The following PCDHA6 variants were observed in gnomAD, a reference collection of about 807,000 sequenced individuals.
PCDHA6 encodes the protein protocadherin alpha-6.
A neutral mutation model predicts 60.3 loss-of-function variants in PCDHA6; 55 were observed. That is an observed-to-expected ratio of 0.91 (90% CI 0.73 to 1.14). The LOEUF (loss-of-function observed/expected upper bound fraction) is 1.14, where lower values mean the gene tolerates loss of function less well. Ranked by LOEUF, PCDHA6 falls within the 50% of genes most tolerant of loss-of-function variation. The pLI is 0.00. For missense variants in PCDHA6, 1,327 were observed against 1,256.5 expected (o/e 1.06, Z -0.85); for synonymous variants, 652 against 557.9 (o/e 1.17, Z -2.38).
intron 1 of PCDHA6, chr5:140,870,699 C>T (rs1160091003): frequency 6.2e-7 from 1 of 1,613,004 alleles, no homozygotes. Flanking sequence ...TGCTACAGTT[C>T]CAGGTGAGCG....
intron 1 of PCDHA6, among the ~76,000 whole-genome samples, chr5:140,950,849 T>G (rs1403920591): frequency 6.6e-6 from 1 of 152,120 alleles, no homozygotes; most frequent in Non-Finnish European, 1.5e-5. Flanking sequence ...ATACATTTCT[T>G]TCATATTCTT....
At chr5:140,935,616 C>T (rs1247673748) in intron 1 of PCDHA6, among the ~76,000 whole-genome samples, 13 of 151,976 alleles carry the variant, frequency 8.6e-5, no homozygotes, top group African/African-American at 3.1e-4. Flanking sequence ...TTTTTCAAGT[C>T]GCTTTCAAAT....
rs1486042569 is a variant in PCDHA6 at position 140,880,105 on chromosome 5, A to G, written c.2394+49620A>G. On this transcript the variant is annotated intron_variant, in intron 1 of 3. Coordinates refer to ENST00000529310, the MANE Select transcript of PCDHA6 (RefSeq NM_018909.4). ...ATTATAGTAGGCTTAAAATCATAGAAGGATAGACAACAGGAAGCTGAAATA... is the reference window on the plus strand; with the variant it reads ...ATTATAGTAGGCTTAAAATCATAGAGGGATAGACAACAGGAAGCTGAAATA... 1.8e-4 allele frequency among the ~76,000 whole-genome samples: 28 copies of G among 152,256 alleles called. 1 individual carries two copies. Among genetic ancestry groups the G allele is most frequent in the Admixed American group, 1.8e-3 (28 of 15,292 alleles).
In PCDHA6 at chr5:140,903,129, A is replaced by C. The variant is rs184256724; in HGVS notation, c.2394+72644A>C. On this transcript the variant is annotated intron_variant, in intron 1 of 3. Coordinates refer to ENST00000529310, the MANE Select transcript of PCDHA6 (RefSeq NM_018909.4). ...TAGCTCTACTTCTAAATCTTTAAGA[A>C]ATCTCCAAACTGTTTTCCATAGTGG... Among the ~76,000 whole-genome samples the C allele has an allele frequency of 2.8e-3, 421 of 152,322 alleles. 2 individuals carry two copies. Among genetic ancestry groups the C allele is most frequent in the Middle Eastern group, 0.014 (4 of 294 alleles).
At chr5:140,862,706 G>A in intron 1 of PCDHA6, 1 of 558,712 alleles carries the variant, frequency 1.8e-6, no homozygotes, top group South Asian at 1.4e-5. Context: ...ATGGAACAGC[G>A]GGTGGGCGAG....
At chr5:140,900,700 T>C (rs557185787) in intron 1 of PCDHA6, among the ~76,000 whole-genome samples, 1 of 152,352 alleles carries the variant, frequency 6.6e-6, no homozygotes, top group South Asian at 2.1e-4. Context: ...ATTTCCGTTC[T>C]TTTGGAAAGA....
chr5:140,976,287 AAGCCTGTAATCCC>A (rs1253731489), intron 1 of PCDHA6, among the ~76,000 whole-genome samples: 3 of 152,196 alleles, frequency 2.0e-5, no homozygotes, highest in Admixed American at 6.5e-5. Flanking sequence ...ACAGTGGCTC[AAGCCTGTAATCCC>A]AGCACTTTGG....
At chr5:140,863,489 C>T (rs1032120656) in intron 1 of PCDHA6, 20 of 450,876 alleles carry the variant, frequency 4.4e-5, no homozygotes, top group Non-Finnish European at 8.4e-5. Context: ...CCAAGGTCAA[C>T]ATTACGGCTT....
rs1195696269 is a variant in PCDHA6, at chr5:141,010,821, TTTG to T, written c.*890_*892del. ...AACCCCGACACCTCACCTTTCGCTG[TTTG>T]TTGTTTCATAGATTTATTTAAAAAA... is the stretch of plus-strand genomic sequence containing the variant. On this transcript the variant is annotated 3_prime_UTR_variant, in exon 4 of 4. Coordinates refer to ENST00000529310, the MANE Select transcript of PCDHA6 (RefSeq NM_018909.4). 3 of 153,772 alleles carry T rather than the reference TTTG, an allele frequency of 2.0e-5. No individual in the cohort carries two copies. The highest frequency in any genetic ancestry group is 4.4e-5 in the Non-Finnish European group (3 of 68,048). 9.5% of individuals were successfully genotyped at this position (153,772 alleles called of 1,614,324 possible).
intron 1 of PCDHA6, among the ~76,000 whole-genome samples, chr5:140,964,480 C>T (rs2095835890): frequency 6.6e-6 from 1 of 152,122 alleles, no homozygotes; most frequent in Non-Finnish European, 1.5e-5. Flanking sequence ...GATTTTTTCA[C>T]AGTCACAGGT....
At chr5:140,858,305 C>A in intron 1 of PCDHA6, 1 of 1,597,172 alleles carries the variant, frequency 6.3e-7, no homozygotes. Context: ...GCAGCAGAGG[C>A]GGCAGAGGGT....
Position 140,829,625 on chromosome 5 carries a change from G to C in PCDHA6, c.1534G>C (p.Ala512Pro), listed in dbSNP as rs138462086. Residue 512 changes from alanine to proline, a missense_variant, in exon 1 of 4, where the codon GCG (alanine) becomes CCG (proline). Ala to Pro is a conservative substitution (Grantham distance 27). Coordinates refer to ENST00000529310, the MANE Select transcript of PCDHA6 (RefSeq NM_018909.4). The part of the protein sequence containing the change: ...RALSSYISVH[A>P]ESGKVYALQP... ...GTTGTCGAGCTACATTTCGGTGCAC[G>C]CGGAGAGCGGCAAGGTGTACGCGCT... 8 of 1,612,066 alleles carry C rather than the reference G, an allele frequency of 5.0e-6. No homozygotes were observed. The highest frequency in any genetic ancestry group is 3.3e-5 in the South Asian group (3 of 91,010).
At position 140,878,967 on chromosome 5, in the gene PCDHA6, C is replaced by T. The variant is rs562198206; in HGVS notation, c.2394+48482C>T. On this transcript the variant is annotated intron_variant, in intron 1 of 3. Coordinates refer to ENST00000529310, the MANE Select transcript of PCDHA6 (RefSeq NM_018909.4). ...ATGGTATTGAAATGTATTACCTGGA[C>T]ATTCCCCTCTATCTTAGAAATGAGA... Among the ~76,000 whole-genome samples, 52 of 152,298 alleles carry T rather than the reference C, an allele frequency of 3.4e-4. No individual in the cohort carries two copies. The South Asian group carries it at 0.01, about 30-fold the overall frequency.
intron 1 of PCDHA6, among the ~76,000 whole-genome samples, chr5:140,899,954 T>C (rs1240765868): frequency 6.6e-6 from 1 of 151,586 alleles, no homozygotes; most frequent in Non-Finnish European, 1.5e-5. Context: ...ACCACAGGCA[T>C]GTGCTGCCAT....
rs2150181468 is a variant in PCDHA6 at position 140,830,125 on chromosome 5, G to A, written c.2034G>A (p.Ala678=). 1.5e-5 allele frequency: 24 copies of A among 1,613,450 alleles called. No individual in the cohort carries two copies. In the East Asian group the frequency reaches 4.9e-4, roughly 33 times the overall value. The change falls in exon 1 of 4, where the codon GCG becomes GCA. Residue 678 remains alanine (A), a synonymous_variant. Coordinates refer to ENST00000529310, the MANE Select transcript of PCDHA6 (RefSeq NM_018909.4). The part of the protein sequence containing the change: ...SLVESGQAPK[A]SSRASVGAAG... ...TGGAGAGTGGCCAGGCTCCAAAGGC[G>A]TCATCACGGGCGTCGGTGGGCGCCG...
rs1330292023 is a variant in PCDHA6, at chr5:140,830,082, C to A, written c.1991C>A (p.Thr664Lys). 1.2e-5 allele frequency: 19 copies of A among 1,613,566 alleles called. No homozygotes were observed. Among genetic ancestry groups the A allele is most frequent in the Non-Finnish European group, 1.5e-5 (18 of 1,179,846 alleles). The change falls in exon 1 of 4, where the codon ACG becomes AAG. Residue 664 changes from threonine to lysine, a missense_variant. By Grantham distance (78) the Thr-to-Lys change is moderately conservative. Transcript: ENST00000529310. ...HGEPALTATATVLVSLVESGQ... is the reference protein window; with the variant it reads ...HGEPALTATAKVLVSLVESGQ... ...GAGCCGGCGCTGACAGCGACGGCCACGGTTCTGGTGTCGCTGGTGGAGAGT... is the reference window on the plus strand; with the variant it reads ...GAGCCGGCGCTGACAGCGACGGCCAAGGTTCTGGTGTCGCTGGTGGAGAGT...
intron 1 of PCDHA6, chr5:140,927,348 C>T (rs2153588187): frequency 1.2e-6 from 2 of 1,613,982 alleles, no homozygotes; most frequent in South Asian, 1.1e-5. Flanking sequence ...AAGATGACGA[C>T]GAGGGAAGCA....
At chr5:140,851,732 T>C in intron 1 of PCDHA6, 2 of 971,434 alleles carry the variant, frequency 2.1e-6, no homozygotes, top group Non-Finnish European at 2.5e-6. Context: ...CGAGTTCTTT[T>C]GAAATTCAGA....
chr5:140,937,148 C>T (rs1400872734), intron 1 of PCDHA6, among the ~76,000 whole-genome samples: 6 of 151,842 alleles, frequency 4.0e-5, no homozygotes, highest in Non-Finnish European at 8.8e-5. Flanking sequence ...TGCCATTCTC[C>T]TGCCTCAGCC....
Sources: allele counts gnomAD v4.1 joint callset (sites outside exome capture counted in the v4.1 genomes callset), GRCh38; gene constraint gnomAD v4.1.1; transcripts MANE v1.5; gene names NCBI Gene and HGNC (gene_info 2026-07-23, HGNC 2026-07-21).